The following SPHKAP variants were observed in gnomAD, a reference collection of about 807,000 sequenced individuals.
SPHKAP encodes the protein A-kinase anchor protein SPHKAP.
In SPHKAP, 67 loss-of-function variants were observed where a neutral mutation model predicts 137.5. The observed-to-expected ratio is 0.49, with a 90% CI of 0.40 to 0.60. SPHKAP has a LOEUF of 0.60. SPHKAP is among the 20% of genes least tolerant of loss of function. The pLI is 0.00. For synonymous variants in SPHKAP, 813 were observed against 785.3 expected (o/e 1.04, Z -0.59); for missense variants, 2,097 against 2,069.3 (o/e 1.01, Z -0.26).
In SPHKAP at chr2:228,025,492, T is replaced by A. The variant is rs755995968; in HGVS notation, c.343A>T (p.Ile115Phe). 1.1e-5 allele frequency: 18 copies of A among 1,613,942 alleles called. No individual in the cohort carries two copies. The highest frequency in any genetic ancestry group is 1.5e-5 in the Non-Finnish European group (18 of 1,179,910). Residue 115 changes from isoleucine to phenylalanine, a missense_variant, in exon 5 of 12, where the codon ATC (isoleucine) becomes TTC (phenylalanine). Transcript: ENST00000392056. ...GGTTGTTGGACATTCATGGAACTGATAAGTTTTGGAAGATCTGGTGAAACG... is the reference window on the plus strand; with the variant it reads ...GGTTGTTGGACATTCATGGAACTGAAAAGTTTTGGAAGATCTGGTGAAACG... The part of the protein sequence containing the change: ...VNVSPDLPKL[I>F]SSMNVQQPKE...
At chr2:228,114,248 G>T (rs1698632297) in intron 2 of SPHKAP, among the ~76,000 whole-genome samples, 2 of 152,082 alleles carry the variant, frequency 1.3e-5, no homozygotes, top group Non-Finnish European at 2.9e-5. Context: ...AGCAAATAAG[G>T]TTAGGAAGAT....
chr2:228,174,087 T>C (rs7570716), intron 1 of SPHKAP, among the ~76,000 whole-genome samples: 73,179 of 151,980 alleles, frequency 0.48, 17,885 homozygotes, highest in Admixed American at 0.56. Context: ...TGGGAACAGA[T>C]ACAAACTTTC....
At position 228,106,915 on chromosome 2, in the gene SPHKAP, TC is replaced by T. The variant is rs1698359538; in HGVS notation, c.246+1916del. On this transcript the variant is annotated intron_variant, in intron 3 of 11. Coordinates refer to ENST00000392056, the MANE Select transcript of SPHKAP (RefSeq NM_001142644.2). ...CCTGAAATTTCCTTTAGGTTTAGAGTCCTGGATACTTTTTAAAAATGTTTTA... is the reference window on the plus strand; with the variant it reads ...CCTGAAATTTCCTTTAGGTTTAGAGTCTGGATACTTTTTAAAAATGTTTTA... Among the ~76,000 whole-genome samples, 3 of 152,272 alleles carry T rather than the reference TC, an allele frequency of 2.0e-5. No homozygotes were observed. In the South Asian group the frequency reaches 6.2e-4, roughly 32 times the overall value.
chr2:228,151,512 A>C (rs898513437), intron 1 of SPHKAP, among the ~76,000 whole-genome samples: 1 of 152,178 alleles, frequency 6.6e-6, no homozygotes, highest in Admixed American at 6.5e-5. Context: ...CACCGCACTG[A>C]CTTCCACAAT....
chr2:228,021,566 C>T (rs567659202), intron 6 of SPHKAP, 145 bp downstream of exon 6: 18 of 986,116 alleles, frequency 1.8e-5, no homozygotes, highest in Non-Finnish European at 2.7e-5. Flanking sequence ...TTCTCATATC[C>T]TCCTTCCTTC....
chr2:228,174,986 A>G (rs1700696362), intron 1 of SPHKAP, among the ~76,000 whole-genome samples: 4 of 151,698 alleles, frequency 2.6e-5, no homozygotes, highest in Admixed American at 2.6e-4. Context: ...ATGAGCTTAA[A>G]GATAGGTCAA....
intron 7 of SPHKAP, among the ~76,000 whole-genome samples, chr2:228,014,140 T>C (rs989195364): frequency 3.3e-5 from 5 of 152,220 alleles, no homozygotes; most frequent in African/African-American, 4.8e-5. Context: ...TGACAATTGC[T>C]ATTTGATCTC....
At chr2:227,996,179 G>A (rs946715060) in intron 7 of SPHKAP, 1 of 973,446 alleles carries the variant, frequency 1.0e-6, no homozygotes, top group African/African-American at 1.8e-5. Context: ...GCACTGACTT[G>A]GTAAAAAGCA....
chr2:228,158,082 C>A (rs776947734), intron 1 of SPHKAP, among the ~76,000 whole-genome samples: 2 of 152,120 alleles, frequency 1.3e-5, no homozygotes, highest in South Asian at 2.1e-4. Context: ...ATGGACAACA[C>A]ACAGATTCAT....
chr2:228,132,253 T>C (rs1699276496), intron 1 of SPHKAP, among the ~76,000 whole-genome samples, 168 bp from the exon 2 acceptor site: 1 of 152,216 alleles, frequency 6.6e-6, no homozygotes, highest in Non-Finnish European at 1.5e-5. Flanking sequence ...TGCATACACT[T>C]TTGTAATTGG....
chr2:228,145,624 T>C (rs1699753300), intron 1 of SPHKAP, among the ~76,000 whole-genome samples: 1 of 152,178 alleles, frequency 6.6e-6, no homozygotes, highest in Non-Finnish European at 1.5e-5. Flanking sequence ...ACAATTCCCA[T>C]CATGAATGCA....
intron 1 of SPHKAP, among the ~76,000 whole-genome samples, chr2:228,171,763 A>G (rs1256695842): frequency 3.9e-5 from 6 of 152,126 alleles, no homozygotes. Context: ...GAAGGCAGGA[A>G]CTGGGTCTTT....
chr2:228,002,849 A>C (rs1377238003), intron 7 of SPHKAP, among the ~76,000 whole-genome samples: 3 of 152,002 alleles, frequency 2.0e-5, no homozygotes, highest in African/African-American at 7.2e-5. Context: ...TCTTGTTTTC[A>C]TCAGGTTTGT....
chr2:228,036,526 T>G (rs1695603322), intron 3 of SPHKAP, among the ~76,000 whole-genome samples: 1 of 152,178 alleles, frequency 6.6e-6, no homozygotes, highest in Non-Finnish European at 1.5e-5. Flanking sequence ...AGCCATCCCA[T>G]TACTGGGTAT....
At chr2:228,076,557 A>C (rs1559160322) in intron 3 of SPHKAP, among the ~76,000 whole-genome samples, 1 of 152,204 alleles carries the variant, frequency 6.6e-6, no homozygotes, top group Non-Finnish European at 1.5e-5. Context: ...TTTAGCAAAG[A>C]GACTGGGGAC....
chr2:228,032,644 A>T (rs927341448), intron 3 of SPHKAP, among the ~76,000 whole-genome samples: 1 of 152,232 alleles, frequency 6.6e-6, no homozygotes, highest in East Asian at 1.9e-4. Context: ...CGGGTTACCC[A>T]CAAAGGGAAG....
intron 2 of SPHKAP, among the ~76,000 whole-genome samples, chr2:228,113,157 T>C (rs1413692210): frequency 6.6e-6 from 1 of 151,570 alleles, no homozygotes; most frequent in Non-Finnish European, 1.5e-5. Flanking sequence ...AATTAGTTAA[T>C]CTGATTATAT....
chr2:228,082,916 T>G (rs1271096120), intron 3 of SPHKAP, among the ~76,000 whole-genome samples: 1 of 152,138 alleles, frequency 6.6e-6, no homozygotes, highest in Non-Finnish European at 1.5e-5. Context: ...TCACATAAAT[T>G]AGGAGTGGAA....
intron 1 of SPHKAP, among the ~76,000 whole-genome samples, chr2:228,157,322 A>G (rs1411324189): frequency 2.0e-5 from 3 of 152,184 alleles, no homozygotes; most frequent in African/African-American, 7.2e-5. Flanking sequence ...AGGTCTTTCA[A>G]TTTCATGCCT....
Sources: gnomAD v4.1 joint callset for allele counts (sites outside exome capture counted in the v4.1 genomes callset) on GRCh38, gnomAD v4.1.1 for gene constraint, MANE v1.5 for transcripts, NCBI Gene and HGNC (gene_info 2026-07-23, HGNC 2026-07-21) for gene names.